GALNT3: variants seen among roughly 807,000 people sequenced by gnomAD.
GALNT3 encodes the protein polypeptide N-acetylgalactosaminyltransferase 3, also known as GalNAc transferase 3.
In GALNT3, 51 loss-of-function variants were observed where a neutral mutation model predicts 69.8. That is an observed-to-expected ratio of 0.73 (90% CI 0.58 to 0.92). The LOEUF (loss-of-function observed/expected upper bound fraction) is 0.92, where lower values mean the gene tolerates loss of function less well. Among genes scored for constraint, GALNT3 ranks in the 40% least tolerant of loss-of-function variants. GALNT3 has a pLI of 0.00. For synonymous variants in GALNT3, 265 were observed against 248.5 expected (o/e 1.07, Z -0.63); for missense variants, 711 against 760.0 (o/e 0.94, Z 0.76).
At chr2:165,760,469 T>C (rs1688525682) in intron 4 of GALNT3, among the ~76,000 whole-genome samples, 1 of 152,158 alleles carries the variant, frequency 6.6e-6, no homozygotes, top group South Asian at 2.1e-4. Flanking sequence ...AAGCAGTATT[T>C]GGCAGTCATG....
chr2:165,750,266 G>A (rs1688335806), intron 9 of GALNT3, among the ~76,000 whole-genome samples: 1 of 152,134 alleles, frequency 6.6e-6, no homozygotes, highest in South Asian at 2.1e-4. Flanking sequence ...AATCAAAGGT[G>A]TTTTCACTAA....
intron 9 of GALNT3, among the ~76,000 whole-genome samples, 164 bp downstream of exon 9, chr2:165,754,463 A>G (rs199572087): frequency 1.7e-5 from 1 of 57,842 alleles, no homozygotes; most frequent in Non-Finnish European, 5.8e-5. Context: ...AGTAAAAACC[A>G]AAAAAAAATA....
chr2:165,780,650 TTGTTGTTGTTG>T (rs1683085063), intron 1 of GALNT3, among the ~76,000 whole-genome samples: 1 of 136,010 alleles, frequency 7.4e-6, no homozygotes, highest in Non-Finnish European at 1.6e-5. Flanking sequence ...GGTTTTTTTG[TTGTTGTTGTTG>T]TTGTTGTTGT....
intron 3 of GALNT3, 41 bp from the exon 4 acceptor site, chr2:165,762,095 A>G: frequency 7.4e-7 from 1 of 1,344,762 alleles, no homozygotes; most frequent in East Asian, 2.3e-5. Flanking sequence ...TTCTAAATGC[A>G]TTTTCATATA....
Position 165,748,987 on chromosome 2 carries a change from G to A in GALNT3, c.1780-84C>T, listed in dbSNP as rs1688308121. 2.9e-6 allele frequency: 4 copies of A among 1,370,926 alleles called. No homozygotes were observed. The African/African-American group carries it at 4.3e-5, about 15-fold the overall frequency. 84.9% of individuals were successfully genotyped at this position (1,370,926 alleles called of 1,614,324 possible). On this transcript the variant is annotated intron_variant, in intron 10 of 10. Transcript: ENST00000392701. ...ATGAAAAAGATTTTATGGTTTCATTGAAGCAAACCTAATAGCAAATCTTTC... is the reference window on the plus strand; with the variant it reads ...ATGAAAAAGATTTTATGGTTTCATTAAAGCAAACCTAATAGCAAATCTTTC...
chr2:165,767,850 T>C (rs555196038), intron 2 of GALNT3, among the ~76,000 whole-genome samples: 26 of 151,060 alleles, frequency 1.7e-4, no homozygotes, highest in African/African-American at 5.8e-4. Context: ...ACTGGTTACA[T>C]TCAAAGTAAA....
intron 1 of GALNT3, among the ~76,000 whole-genome samples, chr2:165,785,673 AG>A (rs1683204555): frequency 6.6e-6 from 1 of 152,140 alleles, no homozygotes; most frequent in African/African-American, 2.4e-5. Context: ...CATCCAAATG[AG>A]GGGGTGAATA....
intron 1 of GALNT3, among the ~76,000 whole-genome samples, chr2:165,793,502 C>T (rs1683396237): frequency 6.6e-6 from 1 of 152,220 alleles, no homozygotes; most frequent in Non-Finnish European, 1.5e-5. Context: ...AATGGCTCGG[C>T]GGCCGCGGTT....
At chr2:165,765,900 C>T (rs1688635296) in intron 2 of GALNT3, among the ~76,000 whole-genome samples, 1 of 152,108 alleles carries the variant, frequency 6.6e-6, no homozygotes, top group Non-Finnish European at 1.5e-5. Context: ...AATCTATACA[C>T]AGAATCAAAA....
rs1193519135 is a variant in GALNT3, at chr2:165,770,769, C to T, written c.-69G>A. 2 of 1,539,860 alleles carry T rather than the reference C, an allele frequency of 1.3e-6. No homozygotes were observed. The highest frequency in any genetic ancestry group is 2.7e-5 in the African/African-American group (2 of 72,878). ...TTCTTCTGTTACTTATATTTTTTATCATAGATTTGCTGAGAAGAAGGTATC... is the reference window on the plus strand; with the variant it reads ...TTCTTCTGTTACTTATATTTTTTATTATAGATTTGCTGAGAAGAAGGTATC... On this transcript the variant is annotated 5_prime_UTR_variant, in exon 2 of 11. An upstream start codon of the reference 5' UTR is lost. Transcript: ENST00000392701.
Position 165,765,007 on chromosome 2 carries a change from C to T in GALNT3, c.565G>A (p.Val189Ile). 6.2e-7 allele frequency: 1 copy of T among 1,614,192 alleles called. No homozygotes were observed. Among genetic ancestry groups the T allele is most frequent in the Non-Finnish European group, 8.5e-7 (1 of 1,180,016 alleles). ...GCTTCATTATGAAAAACTATTATGA[C>T]ACTGGTGGTGGGCAGGGGAGGGCAG... ...KRCPPLPTTS[V>I]IIVFHNEAWS... The change falls in exon 3 of 11, where the codon GTC becomes ATC. Residue 189 changes from valine to isoleucine, a missense_variant. Val to Ile is a conservative substitution (Grantham distance 29). Transcript: ENST00000392701.
At chr2:165,755,269 C>T (rs1410743720) in intron 7 of GALNT3, among the ~76,000 whole-genome samples, 4 of 152,198 alleles carry the variant, frequency 2.6e-5, no homozygotes, top group Non-Finnish European at 4.4e-5. Flanking sequence ...GTCAACACCA[C>T]TTCAGTGCTG....
chr2:165,754,646 T>A lies in GALNT3; in HGVS notation c.1607A>T (p.His536Leu). The change falls in exon 9 of 11, where the codon CAT becomes CTT. Residue 536 changes from histidine to leucine, a missense_variant. Transcript: ENST00000392701. ...GGKPLIMYTC[H>L]GLGGNQYFEY... ...GCTCACCTGGTTTCCCCCAAGTCCA[T>A]GACATGTATACATAATTAATGGTTT... 1.2e-6 allele frequency: 2 copies of A among 1,613,014 alleles called. No homozygotes were observed. Among genetic ancestry groups the A allele is most frequent in the Non-Finnish European group, 1.7e-6 (2 of 1,179,162 alleles).
At chr2:165,770,047 A>G in intron 2 of GALNT3, 139 bp downstream of exon 2, 1 of 961,914 alleles carries the variant, frequency 1.0e-6, no homozygotes, top group South Asian at 1.4e-5. Context: ...CAAAAAATAA[A>G]TACAACAGGT....
Position 165,748,887 on chromosome 2 carries a change from T to C in GALNT3, c.1796A>G (p.Asn599Ser), listed in dbSNP as rs755918797. 4 of 1,610,220 alleles carry C rather than the reference T, an allele frequency of 2.5e-6. No individual in the cohort carries two copies. Among genetic ancestry groups the C allele is most frequent in the Non-Finnish European group, 3.4e-6 (4 of 1,177,428 alleles). Residue 599 changes from asparagine to serine, a missense_variant, in exon 11 of 11, where the codon AAT (asparagine) becomes AGT (serine). Physicochemically the swap from Asn to Ser is conservative, Grantham distance 46. Coordinates refer to ENST00000392701, the MANE Select transcript of GALNT3 (RefSeq NM_004482.4). Reference sequence around the variant, plus strand: ...TGAAAGGCACATTTTTAAGAATGGATTGTATAGAAGTTGATCCTAGAATAA... The same window carrying C: ...TGAAAGGCACATTTTTAAGAATGGACTGTATAGAAGTTGATCCTAGAATAA... Reference protein sequence around the residue: ...WEIQKDQLLYNPFLKMCLSAN... With the variant: ...WEIQKDQLLYSPFLKMCLSAN...
chr2:165,769,987 C>T lies in GALNT3; in HGVS notation c.515+199G>A, dbSNP rs913425686. 7 of 646,974 alleles carry T rather than the reference C, an allele frequency of 1.1e-5. No individual in the cohort carries two copies. The Admixed American group carries it at 1.2e-4, about 11-fold the overall frequency. The allele number at this position is 646,974 out of a possible 1,614,324, so 40.1% of individuals were successfully genotyped here. A position where few individuals can be genotyped will look rare whatever the true frequency, so the allele number is the denominator to read the frequency against. ...CCAAGCTAATAACTTTTCATATCTG[C>T]ACTGCCTCACCAAGCATAAATAGGG... On this transcript the variant is annotated intron_variant, in intron 2 of 10. Transcript: ENST00000392701.
intron 1 of GALNT3, among the ~76,000 whole-genome samples, chr2:165,788,514 C>T (rs1386040772): frequency 2.8e-5 from 4 of 145,176 alleles, no homozygotes; most frequent in African/African-American, 1.0e-4. Flanking sequence ...TGTATACAGA[C>T]AAGAGCAAAA....
chr2:165,788,044 T>C (rs1683259241), intron 1 of GALNT3, among the ~76,000 whole-genome samples: 1 of 152,042 alleles, frequency 6.6e-6, no homozygotes, highest in Non-Finnish European at 1.5e-5. Context: ...AAAAGGCAGA[T>C]TGGGCCAGGC....
In GALNT3 at chr2:165,759,464, T is replaced by C. The variant is rs570227411; in HGVS notation, c.945A>G (p.Glu315=). The change falls in exon 5 of 11, where the codon GAA becomes GAG. Residue 315 remains glutamate (E), a synonymous_variant. Transcript: ENST00000392701. Reference sequence around the variant, plus strand: ...TTCCATAAGGAGAAGGTTTGTTGAATTCAAACGTGTTCAGATCTATGGATG... The same window carrying C: ...TTCCATAAGGAGAAGGTTTGTTGAACTCAAACGTGTTCAGATCTATGGATG... The part of the protein sequence containing the change: ...DIASIDLNTF[E]FNKPSPYGSN... 3 of 1,613,932 alleles carry C rather than the reference T, an allele frequency of 1.9e-6. No homozygotes were observed. The highest frequency in any genetic ancestry group is 2.5e-6 in the Non-Finnish European group (3 of 1,179,988).
Sources: gnomAD v4.1 joint callset for allele counts (sites outside exome capture counted in the v4.1 genomes callset) on GRCh38, gnomAD v4.1.1 for gene constraint, MANE v1.5 for transcripts, NCBI Gene and HGNC (gene_info 2026-07-23, HGNC 2026-07-21) for gene names.